Variants in LRP1B observed in about 807,000 individuals in gnomAD.
LRP1B encodes the protein LDL receptor related protein 1B, also known as low-density lipoprotein receptor-related protein 1B.
A neutral mutation model predicts 556.6 loss-of-function variants in LRP1B; 217 were observed. That is an observed-to-expected ratio of 0.39 (90% CI 0.35 to 0.44). The LOEUF is 0.44. Among genes scored for constraint, LRP1B ranks in the 20% least tolerant of loss-of-function variants. The pLI is 1.00. For synonymous variants in LRP1B, 2,047 were observed against 1,865.8 expected (o/e 1.10, Z -2.50); for missense variants, 5,053 against 5,620.8 (o/e 0.90, Z 3.23).
intron 6 of LRP1B, among the ~76,000 whole-genome samples, chr2:141,223,980 T>C (rs1323522610): frequency 2.6e-5 from 4 of 152,068 alleles, no homozygotes; most frequent in African/African-American, 7.2e-5. Flanking sequence ...CGGGCAAAGA[T>C]TTCCTGACAA....
Position 141,509,576 on chromosome 2 carries a change from AC to A in LRP1B, c.206-29044del, listed in dbSNP as rs1381442489. Among the ~76,000 whole-genome samples, 240 of 152,288 alleles carry A rather than the reference AC, an allele frequency of 1.6e-3. 1 individual carries two copies. Among genetic ancestry groups the A allele is most frequent in the African/African-American group, 5.5e-3 (227 of 41,558 alleles). On this transcript the variant is annotated intron_variant, in intron 2 of 90. Transcript: ENST00000389484. The stretch of plus-strand genomic sequence containing the variant: ...GTGGTACTAGAGCTCAAACAAACAA[AC>A]AAACAAACAAAATGCCTTCCAAGTC...
chr2:140,807,858 A>C (rs1342460773), intron 32 of LRP1B, among the ~76,000 whole-genome samples: 2 of 151,558 alleles, frequency 1.3e-5, no homozygotes, highest in Admixed American at 6.6e-5. Context: ...ATGGGAGGCC[A>C]AGGTGGGTGG....
At chr2:141,208,861 T>G (rs1314614856) in intron 6 of LRP1B, among the ~76,000 whole-genome samples, 1 of 93,688 alleles carries the variant, frequency 1.1e-5, no homozygotes, top group Non-Finnish European at 1.9e-5. Context: ...AAAGCGAGAT[T>G]CTGAGATTCC....
chr2:141,259,539 G>A (rs749822702), intron 3 of LRP1B, among the ~76,000 whole-genome samples: 3 of 152,206 alleles, frequency 2.0e-5, no homozygotes, highest in Non-Finnish European at 4.4e-5. Flanking sequence ...ACACTTGTCA[G>A]CCATCTGGGT....
chr2:141,814,691 ATGGTT>A (rs1558894260), intron 1 of LRP1B, among the ~76,000 whole-genome samples: 3 of 152,326 alleles, frequency 2.0e-5, no homozygotes, highest in African/African-American at 7.2e-5. Flanking sequence ...TGATTATGGG[ATGGTT>A]TGGAGACATC....
chr2:141,079,166 A>AAAAC (rs996867811), intron 7 of LRP1B, among the ~76,000 whole-genome samples: 1 of 152,158 alleles, frequency 6.6e-6, no homozygotes, highest in Non-Finnish European at 1.5e-5. Context: ...AAAACAAAAC[A>AAAAC]AAACAAACAA....
chr2:142,037,636 T>C (rs1703929608), intron 1 of LRP1B, among the ~76,000 whole-genome samples: 1 of 151,594 alleles, frequency 6.6e-6, no homozygotes, highest in South Asian at 2.1e-4. Context: ...ACTCTCTGAG[T>C]GCAAACATCT....
At chr2:141,033,059 A>G (rs1443208072) in intron 11 of LRP1B, among the ~76,000 whole-genome samples, 1 of 151,866 alleles carries the variant, frequency 6.6e-6, no homozygotes, top group East Asian at 1.9e-4. Flanking sequence ...GGGAGGTAAC[A>G]TTTGGAGTGA....
chr2:141,248,534 G>A (rs999768751), intron 4 of LRP1B, among the ~76,000 whole-genome samples: 1 of 152,136 alleles, frequency 6.6e-6, no homozygotes, highest in Non-Finnish European at 1.5e-5. Context: ...CATCAAAATG[G>A]CATGCGAACG....
intron 49 of LRP1B, among the ~76,000 whole-genome samples, chr2:140,524,038 G>GTT (rs1245333856): frequency 1.3e-5 from 2 of 151,476 alleles, no homozygotes; most frequent in Non-Finnish European, 3.0e-5. Flanking sequence ...GAGTAAACAG[G>GTT]TACCCTGGGA....
chr2:141,969,072 C>A (rs544146562), intron 1 of LRP1B, among the ~76,000 whole-genome samples: 1 of 151,264 alleles, frequency 6.6e-6, no homozygotes, highest in South Asian at 2.1e-4. Flanking sequence ...CCTGGCTTGG[C>A]AACCTGCAAG....
intron 11 of LRP1B, among the ~76,000 whole-genome samples, chr2:141,034,789 G>A (rs1343087782): frequency 9.8e-4 from 141 of 143,794 alleles, no homozygotes; most frequent in African/African-American, 1.7e-3. Flanking sequence ...CATTGTGGAA[G>A]TCAGTGTGGC....
chr2:140,655,043 T>C (rs993998117), intron 41 of LRP1B, among the ~76,000 whole-genome samples: 2 of 151,974 alleles, frequency 1.3e-5, no homozygotes, highest in African/African-American at 4.8e-5. Context: ...TATATATATA[T>C]ATATCTCCTA....
At chr2:142,100,329 A>G (rs1327055179) in intron 1 of LRP1B, among the ~76,000 whole-genome samples, 3 of 151,922 alleles carry the variant, frequency 2.0e-5, no homozygotes, top group Non-Finnish European at 4.4e-5. Flanking sequence ...TCAAAAATCC[A>G]TTAGCGTTGA....
At chr2:141,867,667 T>C (rs893106209) in intron 1 of LRP1B, among the ~76,000 whole-genome samples, 1 of 152,196 alleles carries the variant, frequency 6.6e-6, no homozygotes, top group Non-Finnish European at 1.5e-5. Context: ...TATCTTATGA[T>C]ATTATTGATA....
intron 2 of LRP1B, among the ~76,000 whole-genome samples, chr2:141,777,975 A>T (rs1695132698): frequency 6.6e-6 from 1 of 152,200 alleles, no homozygotes. Context: ...TTCTATTTGT[A>T]TAGATATAGC....
At chr2:141,510,339 C>CT (rs1684081606) in intron 2 of LRP1B, among the ~76,000 whole-genome samples, 1 of 151,728 alleles carries the variant, frequency 6.6e-6, no homozygotes, top group South Asian at 2.1e-4. Flanking sequence ...TCCTAAAACC[C>CT]TTTTTTACAC....
At chr2:141,486,397 T>C (rs12466189) in intron 2 of LRP1B, among the ~76,000 whole-genome samples, 148,157 of 152,230 alleles carry the variant, frequency 0.97, 72,206 homozygotes, top group East Asian at 1. Context: ...GAGTAAATAT[T>C]TTACTGTGTA....
At chr2:141,467,810 T>C (rs1440834513) in intron 3 of LRP1B, among the ~76,000 whole-genome samples, 2 of 15,884 alleles carry the variant, frequency 1.3e-4, no homozygotes, top group African/African-American at 2.1e-4. Flanking sequence ...TTTTTGTTTG[T>C]TTGTTTGTTT....
Sources: gnomAD v4.1 joint callset for allele counts (sites outside exome capture counted in the v4.1 genomes callset) on GRCh38, gnomAD v4.1.1 for gene constraint, MANE v1.5 for transcripts, NCBI Gene and HGNC (gene_info 2026-07-23, HGNC 2026-07-21) for gene names.